The following PSMG2 variants were observed in gnomAD, a reference collection of about 807,000 sequenced individuals.
PSMG2 encodes the protein CD40 ligand-activated specific transcript 3.
In PSMG2, 21 loss-of-function variants were observed where a neutral mutation model predicts 31.5. That is an observed-to-expected ratio of 0.67 (90% CI 0.47 to 0.96). The LOEUF (loss-of-function observed/expected upper bound fraction) is 0.96. PSMG2 is among the 40% of genes least tolerant of loss of function. The pLI is 0.00. For synonymous variants in PSMG2, 120 were observed against 110.4 expected, an observed-to-expected ratio of 1.09 and a Z score of -0.54; for missense variants, 318 against 321.2, an observed-to-expected ratio of 0.99 and a Z score of 0.08.
At chr18:12,724,452 C>G (rs200988984) in intron 5 of PSMG2, 47 bp from the exon 6 acceptor site, 1 of 1,541,862 alleles carries the variant, frequency 6.5e-7, no homozygotes, top group East Asian at 2.3e-5. Flanking sequence ...AGAGTCAGCT[C>G]TTGTACCCTA....
chr18:12,662,981 T>G (rs2038728587), intron 1 of PSMG2, among the ~76,000 whole-genome samples: 1 of 152,168 alleles, frequency 6.6e-6, no homozygotes, highest in Non-Finnish European at 1.5e-5. Context: ...TGAATATAAG[T>G]GTAATTATTA....
upstream of PSMG2, chr18:12,698,708 A>C: frequency 2.7e-6 from 1 of 376,684 alleles, no homozygotes; most frequent in Non-Finnish European, 4.8e-6. Context: ...CCTGCCTAGC[A>C]TAACACTATG....
intron 2 of PSMG2, among the ~76,000 whole-genome samples, chr18:12,710,661 G>A (rs1037611453): frequency 9.9e-5 from 15 of 152,122 alleles, no homozygotes; most frequent in African/African-American, 3.4e-4. Context: ...TAGCCCCTGT[G>A]TTTTCTGTAA....
intron 1 of PSMG2, chr18:12,686,569 T>C: frequency 1.4e-6 from 1 of 722,022 alleles, no homozygotes; most frequent in Non-Finnish European, 2.3e-6. Flanking sequence ...GTGCTTACCT[T>C]GTATCCAGTA....
At chr18:12,701,155 C>T, upstream of PSMG2, 1 of 1,471,868 alleles carries the variant, frequency 6.8e-7, no homozygotes, top group Non-Finnish European at 9.4e-7. Context: ...CATCACAAAG[C>T]AGTCAAATAC....
chr18:12,718,776 C>A, intron 4 of PSMG2, 141 bp downstream of exon 4: 1 of 538,810 alleles, frequency 1.9e-6, no homozygotes, highest in Non-Finnish European at 3.2e-6. Context: ...AAGAGAAGGT[C>A]AGGAGATGGG....
chr18:12,678,736 A>G (rs920314418), intron 1 of PSMG2, among the ~76,000 whole-genome samples: 1 of 152,070 alleles, frequency 6.6e-6, no homozygotes, highest in East Asian at 1.9e-4. Context: ...CAGGGGGATC[A>G]CCTGAGGTCA....
chr18:12,718,552 C>T lies in PSMG2; in HGVS notation c.324C>T (p.Ser108=). 1 of 1,611,468 alleles carries T rather than the reference C, an allele frequency of 6.2e-7. No homozygotes were observed. Among genetic ancestry groups the T allele is most frequent in the Non-Finnish European group, 8.5e-7 (1 of 1,178,474 alleles). ...KSKPFCEKLL[S]WVKSSGCARV... The stretch of plus-strand genomic sequence containing the variant: ...AGCCATTCTGTGAAAAACTGCTTTC[C>T]TGGGTGAAAAGCAGTGGCTGTGCCA... Residue 108 remains serine, a synonymous_variant, in exon 4 of 7, where the codon TCC becomes TCT. Coordinates refer to ENST00000317615, the MANE Select transcript of PSMG2 (RefSeq NM_020232.5).
At chr18:12,709,951 T>C (rs2040312800) in intron 2 of PSMG2, among the ~76,000 whole-genome samples, 1 of 151,038 alleles carries the variant, frequency 6.6e-6, no homozygotes. Context: ...AAACTTTTTT[T>C]TTTTTTTTTG....
rs1384389986 is a variant in PSMG2 at position 12,690,676 on chromosome 18, C to T, written c.-36-15874C>T. On this transcript the variant is annotated intron_variant, in intron 1 of 6. Coordinates refer to the PSMG2 transcript ENST00000585331. ...TTCACCGTGTTAGCCAGGATGGTCT[C>T]GATCTCCTGACCTCTTGATCCACCC... 2.6e-5 allele frequency among the ~76,000 whole-genome samples: 4 copies of T among 152,084 alleles called. No individual in the cohort carries two copies. In the East Asian group the frequency reaches 5.8e-4, roughly 22 times the overall value.
At position 12,678,070 on chromosome 18, in the gene PSMG2, AAAG is replaced by A. The variant is rs780672726; in HGVS notation, c.-37+19301_-37+19303del. The A allele has an allele frequency of 2.6e-5, 39 of 1,517,012 alleles. 1 individual carries two copies. The highest frequency in any genetic ancestry group is 2.5e-5 in the Non-Finnish European group (28 of 1,100,254). 94.0% of individuals were successfully genotyped at this position (1,517,012 alleles called of 1,614,324 possible). A position where few individuals can be genotyped will look rare whatever the true frequency, so the allele number is the denominator to read the frequency against. ...AAAAAACAGTTAAATACATAAATGA[AAAG>A]AAGTATGAAACTACAACTATTTCAG... On this transcript the variant is annotated intron_variant, in intron 1 of 6. Coordinates refer to the PSMG2 transcript ENST00000585331.
upstream of PSMG2, among the ~76,000 whole-genome samples, chr18:12,701,845 T>C (rs1046803913): frequency 3.3e-5 from 5 of 152,214 alleles, no homozygotes; most frequent in African/African-American, 1.2e-4. Context: ...GAAACCCTGA[T>C]ATCTGCCGGG....
intron 2 of PSMG2, among the ~76,000 whole-genome samples, chr18:12,709,500 A>T (rs1426534447): frequency 5.4e-5 from 7 of 130,434 alleles, no homozygotes; most frequent in African/African-American, 1.1e-4. Flanking sequence ...TAATTCTTGT[A>T]TTTTTTTTTT....
At chr18:12,703,277 T>G (rs2040218612) in intron 1 of PSMG2, 113 bp downstream of exon 1, 1 of 1,214,172 alleles carries the variant, frequency 8.2e-7, no homozygotes, top group African/African-American at 1.6e-5. Flanking sequence ...TAGTTTCTAT[T>G]TCATGTTTTC....
rs533999395 is a variant in PSMG2 at position 12,673,244 on chromosome 18, T to C, written c.-37+14471T>C. ...ATTACCAGTCAAGTATATACAAAAT[T>C]GAAGTATGCCATTCAAGCCAGATTG... is the stretch of plus-strand genomic sequence containing the variant. On this transcript the variant is annotated intron_variant, in intron 1 of 6. Coordinates refer to the PSMG2 transcript ENST00000585331. 3,389 of 1,432,356 alleles carry C rather than the reference T, an allele frequency of 2.4e-3. 6 individuals are homozygous for C. Among genetic ancestry groups the C allele is most frequent in the Non-Finnish European group, 2.8e-3 (3,048 of 1,095,486 alleles). 88.7% of individuals were successfully genotyped at this position (1,432,356 alleles called of 1,614,324 possible). A position where few individuals can be genotyped will look rare whatever the true frequency, so the allele number is the denominator to read the frequency against.
upstream of PSMG2, chr18:12,702,644 C>T: frequency 7.3e-7 from 1 of 1,373,636 alleles, no homozygotes; most frequent in East Asian, 2.7e-5. Context: ...GCGACTGGAG[C>T]ACAAAGCGCC....
In PSMG2 at chr18:12,703,065, G is replaced by T; in HGVS notation, c.-43G>T. ...CCGCCTTCTTGCTGCCCTCGTTCTT[G>T]CCAGGGCCGCGGTTAGTCCCTGCTG... On this transcript the variant is annotated 5_prime_UTR_variant, in exon 1 of 7. Transcript: ENST00000317615. 2 of 1,600,202 alleles carry T rather than the reference G, an allele frequency of 1.2e-6. No homozygotes were observed. The highest frequency in any genetic ancestry group is 8.5e-7 in the Non-Finnish European group (1 of 1,173,418).
At chr18:12,702,472 C>T, upstream of PSMG2, 5 of 1,598,504 alleles carry the variant, frequency 3.1e-6, no homozygotes, top group African/African-American at 1.3e-5. Context: ...TCTCCCAGCA[C>T]CCGCGACTCT....
intron 1 of PSMG2, among the ~76,000 whole-genome samples, chr18:12,681,619 T>C (rs950440443): frequency 2.0e-5 from 3 of 151,890 alleles, no homozygotes; most frequent in African/African-American, 7.3e-5. Context: ...CAGCAAGAAA[T>C]GCAAATAAAT....
Sources: gnomAD v4.1 joint callset for allele counts (sites outside exome capture counted in the v4.1 genomes callset) on GRCh38, gnomAD v4.1.1 for gene constraint, MANE v1.5 for transcripts, NCBI Gene and HGNC (gene_info 2026-07-23, HGNC 2026-07-21) for gene names.